Variants in KIF14 observed in about 807,000 individuals in gnomAD.
KIF14 encodes kinesin-like protein KIF14.
A neutral mutation model predicts 176.2 loss-of-function variants in KIF14; 98 were observed. The ratio of observed to expected loss-of-function variants is 0.56; its 90% CI spans 0.47 to 0.66. The LOEUF (loss-of-function observed/expected upper bound fraction) is 0.66. Among genes scored for constraint, KIF14 ranks in the 30% least tolerant of loss-of-function variants. The pLI is 0.00. For synonymous variants in KIF14, 566 were observed against 632.2 expected, an observed-to-expected ratio of 0.90 and a Z score of 1.57; for missense variants, 1,751 against 1,920.4, an observed-to-expected ratio of 0.91 and a Z score of 1.65.
intron 25 of KIF14, among the ~76,000 whole-genome samples, chr1:200,564,260 CAAAAA>C (rs57025286): frequency 3.0e-5 from 2 of 66,316 alleles, no homozygotes; most frequent in African/African-American, 5.6e-5. Context: ...GACTCCAGCT[CAAAAA>C]AAAAAAAAAA....
In KIF14 at chr1:200,617,812, C is replaced by T. The variant is rs1660477483; in HGVS notation, c.912G>A (p.Leu304=). 1 of 1,614,030 alleles carries T rather than the reference C, an allele frequency of 6.2e-7. No individual in the cohort carries two copies. The highest frequency in any genetic ancestry group is 8.5e-7 in the Non-Finnish European group (1 of 1,180,022). ...PQLKSPAPSI[L]KNRMSNLQVK... is the part of the protein sequence containing the mutation. ...CTTGAAGGTTAGACATTCTATTCTT[C>T]AGTATTGATGGAGCTGGGCTCTTAA... The change falls in exon 2 of 30, where the codon CTG becomes CTA. Residue 304 remains leucine (L), a synonymous_variant. Transcript: ENST00000367350.
intron 3 of KIF14, 145 bp from the exon 4 acceptor site, chr1:200,614,550 T>C: frequency 1.7e-6 from 1 of 585,212 alleles, no homozygotes; most frequent in Non-Finnish European, 3.0e-6. Flanking sequence ...CAAATCTGCC[T>C]GAGTCCAAAT....
intron 14 of KIF14, among the ~76,000 whole-genome samples, chr1:200,596,955 G>C (rs1659383797): frequency 6.9e-6 from 1 of 144,674 alleles, no homozygotes; most frequent in Admixed American, 7.2e-5. Flanking sequence ...AAGTACAGTG[G>C]CATGATGATC....
intron 5 of KIF14, 26 bp downstream of exon 5, chr1:200,608,804 C>G: frequency 7.3e-7 from 1 of 1,361,424 alleles, no homozygotes; most frequent in Non-Finnish European, 1.0e-6. Context: ...AAATTCAAAA[C>G]AAATAATAAA....
chr1:200,555,571 C>A (rs1314850994), intron 27 of KIF14, 117 bp from the exon 28 acceptor site: 4 of 478,910 alleles, frequency 8.4e-6, no homozygotes, highest in Non-Finnish European at 1.1e-5. Context: ...AAGATTGGAG[C>A]TCTATTTCTG....
chr1:200,583,658 T>C (rs1412387147), intron 19 of KIF14, among the ~76,000 whole-genome samples: 1 of 152,160 alleles, frequency 6.6e-6, no homozygotes, highest in African/African-American at 2.4e-5. Context: ...CTCCCAGGAC[T>C]TGGCTAGGCA....
Position 200,617,707 on chromosome 1 carries a change from T to A in KIF14, c.1017A>T (p.Glu339Asp), listed in dbSNP as rs140036867. 6.1e-5 allele frequency: 99 copies of A among 1,614,250 alleles called. No individual in the cohort carries two copies. The African/African-American group carries it at 1.0e-3, about 16-fold the overall frequency. The change falls in exon 2 of 30, where the codon GAA becomes GAT. Residue 339 changes from glutamate to aspartate, a missense_variant. Coordinates refer to ENST00000367350, the MANE Select transcript of KIF14 (RefSeq NM_014875.3). ...CTGCAGAGGTGTTCTGAACTACAGT[T>A]TCTTCTTCGGGAAGAATTGTATTTT... ...SAENTILPEE[E>D]TVVQNTSAGK...
At position 200,600,351 on chromosome 1, in the gene KIF14, T is replaced by G. The variant is rs762553672; in HGVS notation, c.2300+5A>C. The G allele has an allele frequency of 6.2e-7, 1 of 1,613,174 alleles. No individual in the cohort carries two copies. Among genetic ancestry groups the G allele is most frequent in the South Asian group, 1.1e-5 (1 of 91,066 alleles). On this transcript the variant is annotated splice_donor_5th_base_variant and intron_variant, in intron 12 of 29. Transcript: ENST00000367350. ...TTAACATTTAGAGTACTGACTGTAC[T>G]CTACCTTTGCATTTCTGCCATGTCT...
intron 5 of KIF14, among the ~76,000 whole-genome samples, chr1:200,607,875 A>G (rs917459106): frequency 8.5e-5 from 13 of 152,054 alleles, no homozygotes; most frequent in Middle Eastern, 3.4e-3. Context: ...TAATTTTTGT[A>G]TTTTTAGTAG....
At chr1:200,581,364 A>G in intron 19 of KIF14, 70 bp from the exon 20 acceptor site, 1 of 715,178 alleles carries the variant, frequency 1.4e-6, no homozygotes, top group East Asian at 3.0e-5. Flanking sequence ...TAGGCAAAAC[A>G]ATTCCTAAAA....
rs1321870740 is a variant in KIF14, at chr1:200,588,654, T to C, written c.3114+563A>G. On this transcript the variant is annotated intron_variant, in intron 18 of 29. Coordinates refer to ENST00000367350, the MANE Select transcript of KIF14 (RefSeq NM_014875.3). ...GCCCAAAATACTGACAGTAAGGTGCTTGAAGGTATTAACATTCTGGTTTTA... is the reference window on the plus strand; with the variant it reads ...GCCCAAAATACTGACAGTAAGGTGCCTGAAGGTATTAACATTCTGGTTTTA... 3.9e-5 allele frequency among the ~76,000 whole-genome samples: 6 copies of C among 152,338 alleles called. No individual in the cohort carries two copies. In the East Asian group the frequency reaches 9.6e-4, roughly 24 times the overall value.
intron 21 of KIF14, among the ~76,000 whole-genome samples, chr1:200,577,626 G>A (rs555494297): frequency 2.8e-4 from 42 of 151,856 alleles, no homozygotes; most frequent in Admixed American, 7.9e-4. Context: ...GCTTGAACCC[G>A]GGAGACGGAG....
At chr1:200,599,733 CTG>C (rs1354125486) in intron 13 of KIF14, among the ~76,000 whole-genome samples, 1 of 152,166 alleles carries the variant, frequency 6.6e-6, no homozygotes, top group African/African-American at 2.4e-5. Context: ...AGGGATGAAA[CTG>C]TGTTTAATCA....
chr1:200,592,849 C>T (rs777726907), intron 15 of KIF14, among the ~76,000 whole-genome samples: 6 of 152,126 alleles, frequency 3.9e-5, no homozygotes, highest in Non-Finnish European at 8.8e-5. Context: ...AGGTTACAAA[C>T]CTGTACAGCA....
chr1:200,556,108 T>C (rs1656816962), intron 27 of KIF14, among the ~76,000 whole-genome samples: 2 of 152,206 alleles, frequency 1.3e-5, no homozygotes, highest in African/African-American at 4.8e-5. Flanking sequence ...GAAACAGACC[T>C]TGGTTCCTAA....
rs377301623 is a variant in KIF14, at chr1:200,618,018, T to C, written c.706A>G (p.Thr236Ala). 11 of 1,614,090 alleles carry C rather than the reference T, an allele frequency of 6.8e-6. No individual in the cohort carries two copies. In the African/African-American group the frequency reaches 1.5e-4, roughly 22 times the overall value. The change falls in exon 2 of 30, where the codon ACA (threonine) becomes GCA (alanine). Residue 236 changes from threonine to alanine, a missense_variant. Transcript: ENST00000367350. ...QTEVVRSGHL[T>A]TKPTQSKLDI... ...AACTTGCTCTGAGTAGGTTTCGTTG[T>C]CAAGTGTCCTGATCTAACAACTTCA...
At position 200,603,606 on chromosome 1, in the gene KIF14, C is replaced by T. The variant is rs559259241; in HGVS notation, c.1863+233G>A. The stretch of plus-strand genomic sequence containing the variant: ...TACAGACACATGCCACAATGCCTGT[C>T]TATAAATACTTTTTTCTATAAACTA... On this transcript the variant is annotated intron_variant, in intron 9 of 29. Coordinates refer to ENST00000367350, the MANE Select transcript of KIF14 (RefSeq NM_014875.3). Among the ~76,000 whole-genome samples the T allele has an allele frequency of 2.6e-5, 4 of 152,172 alleles. No individual in the cohort carries two copies. The South Asian group carries it at 8.3e-4, about 32-fold the overall frequency.
At chr1:200,601,853 A>G (rs771369305) in intron 11 of KIF14, 43 bp downstream of exon 11, 1 of 1,508,502 alleles carries the variant, frequency 6.6e-7, no homozygotes, top group South Asian at 1.2e-5. Context: ...ATCTGGGACT[A>G]AACTGTGGCA....
Position 200,553,762 on chromosome 1 carries a change from G to A in KIF14, c.4573C>T (p.His1525Tyr), listed in dbSNP as rs1396699696. The A allele has an allele frequency of 6.3e-7, 1 of 1,594,518 alleles. No individual in the cohort carries two copies. Among genetic ancestry groups the A allele is most frequent in the Admixed American group, 1.7e-5 (1 of 58,062 alleles). ...GTCTGGAGAAGATTTATATCACTATGGCATCCTATATGCAAGAGAGGAGGG... is the reference window on the plus strand; with the variant it reads ...GTCTGGAGAAGATTTATATCACTATAGCATCCTATATGCAAGAGAGGAGGG... The part of the protein sequence containing the change: ...EIIISALKGC[H>Y]SDINLLQTCV... The change falls in exon 30 of 30, where the codon CAT (histidine) becomes TAT (tyrosine). Residue 1525 changes from histidine to tyrosine, a missense_variant. His to Tyr is a moderately conservative substitution (Grantham distance 83). Coordinates refer to ENST00000367350, the MANE Select transcript of KIF14 (RefSeq NM_014875.3).
Sources: allele counts gnomAD v4.1 joint callset (sites outside exome capture counted in the v4.1 genomes callset), GRCh38; gene constraint gnomAD v4.1.1; transcripts MANE v1.5; gene names NCBI Gene and HGNC (gene_info 2026-07-23, HGNC 2026-07-21).